FTO: variants seen among roughly 807,000 people sequenced by gnomAD.
FTO encodes the protein FTO alpha-ketoglutarate dependent dioxygenase, also known as alpha-ketoglutarate-dependent dioxygenase FTO.
Under a neutral mutation model 63.9 loss-of-function variants are expected in FTO, and 47 were observed. That is an observed-to-expected ratio of 0.74 (90% CI 0.58 to 0.94). The LOEUF is 0.94. Among genes scored for constraint, FTO ranks in the 40% least tolerant of loss-of-function variants. The pLI is 0.00. For synonymous variants in FTO, 207 were observed against 224.4 expected, an observed-to-expected ratio of 0.92 and a Z score of 0.69; for missense variants, 562 against 618.1, an observed-to-expected ratio of 0.91 and a Z score of 0.96.
chr16:54,080,245 G>A (rs2086110136), intron 8 of FTO, among the ~76,000 whole-genome samples: 1 of 152,098 alleles, frequency 6.6e-6, no homozygotes. Context: ...AAAAGTAGAA[G>A]CATTCCTGAA....
intron 8 of FTO, among the ~76,000 whole-genome samples, chr16:54,026,445 C>A (rs1282244084): frequency 6.6e-6 from 1 of 152,198 alleles, no homozygotes; most frequent in Non-Finnish European, 1.5e-5. Context: ...GCCCAACAAT[C>A]TCTACCTAGA....
chr16:54,090,130 C>G (rs796480651), intron 8 of FTO, among the ~76,000 whole-genome samples: 26 of 152,248 alleles, frequency 1.7e-4, no homozygotes, highest in African/African-American at 6.3e-4. Flanking sequence ...GGAAACAACC[C>G]ACATATCCAT....
At chr16:53,761,077 GTTCCTTTTC>G (rs1217124671) in intron 1 of FTO, among the ~76,000 whole-genome samples, 5 of 129,972 alleles carry the variant, frequency 3.8e-5, no homozygotes, top group African/African-American at 1.2e-4. Context: ...TCCTTCCTCG[GTTCCTTTTC>G]TTCCTTTTCT....
At chr16:53,704,784 A>G (rs1180089843) in intron 1 of FTO, among the ~76,000 whole-genome samples, 1 of 152,230 alleles carries the variant, frequency 6.6e-6, no homozygotes, top group African/African-American at 2.4e-5. Flanking sequence ...GGCAACAGAG[A>G]TTTTAAAAAG....
intron 8 of FTO, among the ~76,000 whole-genome samples, chr16:54,053,274 A>T (rs2144342349): frequency 6.6e-6 from 1 of 152,296 alleles, no homozygotes; most frequent in East Asian, 1.9e-4. Flanking sequence ...CAGATGGGCT[A>T]GCGCCTGTTT....
intron 1 of FTO, among the ~76,000 whole-genome samples, chr16:53,781,698 C>A (rs1013892617): frequency 6.6e-6 from 1 of 152,166 alleles, no homozygotes; most frequent in Non-Finnish European, 1.5e-5. Context: ...CTCCTTCAGC[C>A]TCTAAAAAGT....
chr16:54,118,818 A>G lies in FTO; in HGVS notation c.*6903A>G, dbSNP rs2072518. On this transcript the variant is annotated 3_prime_UTR_variant, in exon 9 of 9. Transcript: ENST00000471389. ...CCCCATCCACACAGGTAAAACCACG[A>G]CTGTGCAGCTAGCAGGTGGAGATAA... The G allele has an allele frequency of 0.36, 54,613 of 152,028 alleles. 10,779 individuals are homozygous for G. The highest frequency in any genetic ancestry group is 0.52 in the East Asian group (2,659 of 5,160). 9.4% of individuals were successfully genotyped at this position (152,028 alleles called of 1,614,324 possible). A position where few individuals can be genotyped will look rare whatever the true frequency, so the allele number is the denominator to read the frequency against.
At chr16:53,947,245 T>A (rs1390573770) in intron 8 of FTO, among the ~76,000 whole-genome samples, 1 of 152,128 alleles carries the variant, frequency 6.6e-6, no homozygotes, top group Non-Finnish European at 1.5e-5. Flanking sequence ...CTTCTGCCAA[T>A]CCCTGGTGGT....
chr16:53,967,823 G>T (rs1223922034), intron 8 of FTO, among the ~76,000 whole-genome samples: 1 of 152,172 alleles, frequency 6.6e-6, no homozygotes, highest in Non-Finnish European at 1.5e-5. Flanking sequence ...TTGAATAATT[G>T]GATTAATTTA....
intron 8 of FTO, among the ~76,000 whole-genome samples, chr16:53,949,053 G>T (rs1156778235): frequency 6.6e-6 from 1 of 152,184 alleles, no homozygotes; most frequent in Non-Finnish European, 1.5e-5. Flanking sequence ...AGTGAATGAG[G>T]TGTATATGGT....
At chr16:53,924,115 C>T (rs1032905917) in intron 7 of FTO, among the ~76,000 whole-genome samples, 2 of 152,156 alleles carry the variant, frequency 1.3e-5, no homozygotes, top group Admixed American at 6.5e-5. Context: ...AGACTTCATA[C>T]ACATAATGCT....
At chr16:54,065,150 T>TTTTA (rs1278039843) in intron 8 of FTO, among the ~76,000 whole-genome samples, 1 of 150,118 alleles carries the variant, frequency 6.7e-6, no homozygotes, top group Non-Finnish European at 1.5e-5. Flanking sequence ...TTTTATTTTA[T>TTTTA]TTTATTTATT....
At chr16:53,814,818 A>T (rs1439926543) in intron 2 of FTO, 2 of 152,226 alleles carry the variant, frequency 1.3e-5, no homozygotes, top group African/African-American at 2.4e-5. Context: ...TCCATTAAAC[A>T]AATGGATTTC....
chr16:53,809,936 G>A (rs75582195), intron 1 of FTO, among the ~76,000 whole-genome samples: 4,404 of 151,624 alleles, frequency 0.029, 108 homozygotes, highest in East Asian at 0.11. Context: ...GCGAGACTCT[G>A]TCTCTAAAAG....
intron 7 of FTO, among the ~76,000 whole-genome samples, chr16:53,892,587 A>G (rs187447093): frequency 6.4e-4 from 98 of 152,168 alleles, no homozygotes; most frequent in African/African-American, 2.3e-3. Flanking sequence ...TTATCTTTAT[A>G]CTTTTTTTTG....
Position 54,112,027 on chromosome 16 carries a change from C to A in FTO, c.*112C>A. ...ACTTCTCTTGGCCCCTAGATTGTAGCACCCGGGTCCCAATCCAAAACAGCT... is the reference window on the plus strand; with the variant it reads ...ACTTCTCTTGGCCCCTAGATTGTAGAACCCGGGTCCCAATCCAAAACAGCT... On this transcript the variant is annotated 3_prime_UTR_variant, in exon 9 of 9. Transcript: ENST00000471389. 2.6e-6 allele frequency: 3 copies of A among 1,150,100 alleles called. No individual in the cohort carries two copies. Among genetic ancestry groups the A allele is most frequent in the Non-Finnish European group, 3.9e-6 (3 of 767,642 alleles). The allele number at this position is 1,150,100 out of a possible 1,614,324, so 71.2% of individuals were successfully genotyped here. A position where few individuals can be genotyped will look rare whatever the true frequency, so the allele number is the denominator to read the frequency against.
chr16:53,994,366 A>AG (rs1169961035), intron 8 of FTO: 1 of 151,798 alleles, frequency 6.6e-6, no homozygotes, highest in African/African-American at 2.4e-5. Flanking sequence ...ATTTTTTTTA[A>AG]GGGATAGGGT....
chr16:54,015,421 G>A (rs933921600), intron 8 of FTO, among the ~76,000 whole-genome samples: 1 of 152,174 alleles, frequency 6.6e-6, no homozygotes, highest in Admixed American at 6.5e-5. Flanking sequence ...ACCTTAAGGA[G>A]TAATTTTCAG....
chr16:53,816,309 TC>T (rs1374037193), intron 2 of FTO, among the ~76,000 whole-genome samples: 1 of 152,126 alleles, frequency 6.6e-6, no homozygotes, highest in Non-Finnish European at 1.5e-5. Flanking sequence ...TCTGCCTCCT[TC>T]CCCTGGTCTA....
Sources: allele counts gnomAD v4.1 joint callset (sites outside exome capture counted in the v4.1 genomes callset), GRCh38; gene constraint gnomAD v4.1.1; transcripts MANE v1.5; gene names NCBI Gene and HGNC (gene_info 2026-07-23, HGNC 2026-07-21).